The following NDST1 variants were observed in gnomAD, a reference collection of about 807,000 sequenced individuals.
NDST1 encodes the protein bifunctional heparan sulfate N-deacetylase/N-sulfotransferase 1.
A neutral mutation model predicts 92.8 loss-of-function variants in NDST1; 35 were observed. That is an observed-to-expected ratio of 0.38 (90% confidence interval 0.29 to 0.50). The LOEUF (loss-of-function observed/expected upper bound fraction) is 0.50, where lower values mean the gene tolerates loss of function less well. Ranked by LOEUF, NDST1 falls within the 20% of genes least tolerant of loss-of-function variation. The probability of loss-of-function intolerance (pLI) is 0.94; values close to 1 mark genes in which losing one functional copy is unlikely to be tolerated. For synonymous variants in NDST1, 493 were observed against 500.3 expected (o/e 0.99, Z 0.19); for missense variants, 822 against 1,182.7 (o/e 0.69, Z 4.47).
chr5:150,533,044 T>C lies in NDST1; in HGVS notation c.1096+12T>C. Reference sequence around the variant, plus strand: ...ATTCTTCCACACAGGTAAGTGGGCCTGCCCCTGCCCTCACTAGCAACTTCC... The same window carrying C: ...ATTCTTCCACACAGGTAAGTGGGCCCGCCCCTGCCCTCACTAGCAACTTCC... On this transcript the variant is annotated intron_variant, in intron 4 of 14. Transcript: ENST00000261797. 1 of 1,612,402 alleles carries C rather than the reference T, an allele frequency of 6.2e-7. No homozygotes were observed. The highest frequency in any genetic ancestry group is 8.5e-7 in the Non-Finnish European group (1 of 1,178,394).
intron 1 of NDST1, chr5:150,498,367 T>A (rs1753085247): frequency 6.6e-6 from 1 of 152,248 alleles, no homozygotes; most frequent in South Asian, 2.1e-4. Flanking sequence ...TACAAAGTAA[T>A]CATTTGGTAA....
intron 2 of NDST1, among the ~76,000 whole-genome samples, chr5:150,523,466 G>A (rs762305130): frequency 6.6e-6 from 1 of 152,242 alleles, no homozygotes; most frequent in Non-Finnish European, 1.5e-5. Context: ...CAGGTGGCTA[G>A]CAGCCTGATT....
At chr5:150,519,372 T>G (rs978068774) in intron 1 of NDST1, among the ~76,000 whole-genome samples, 3 of 151,476 alleles carry the variant, frequency 2.0e-5, no homozygotes, top group East Asian at 4.0e-4. Flanking sequence ...CATCTAGACC[T>G]GGGCAACTCT....
intron 5 of NDST1, 130 bp from the exon 6 acceptor site, chr5:150,535,570 C>A (rs995257493): frequency 7.1e-6 from 9 of 1,259,552 alleles, no homozygotes; most frequent in Non-Finnish European, 1.0e-5. Context: ...TCCCATCTTA[C>A]CATGAAGTCT....
Position 150,517,858 on chromosome 5 carries a change from G to A in NDST1, c.-387-3010G>A, listed in dbSNP as rs533971196. Among the ~76,000 whole-genome samples, 37 of 152,334 alleles carry A rather than the reference G, an allele frequency of 2.4e-4. No individual in the cohort carries two copies. In the South Asian group the frequency reaches 3.9e-3, roughly 16 times the overall value. On this transcript the variant is annotated intron_variant, in intron 1 of 14. Coordinates refer to ENST00000261797, the MANE Select transcript of NDST1 (RefSeq NM_001543.5). Reference sequence around the variant, plus strand: ...GAGTGGCTGGTGGCTGCTCTCCTCCGCTTCCATGGGATTGGGTGGCCAACG... The same window carrying A: ...GAGTGGCTGGTGGCTGCTCTCCTCCACTTCCATGGGATTGGGTGGCCAACG...
intron 2 of NDST1, among the ~76,000 whole-genome samples, chr5:150,525,107 C>T (rs1175446753): frequency 1.3e-5 from 2 of 152,194 alleles, no homozygotes; most frequent in African/African-American, 4.8e-5. Flanking sequence ...TGGGGGACCC[C>T]ATTGGAAGAC....
intron 1 of NDST1, 88 bp from the exon 2 acceptor site, chr5:150,520,780 G>T: frequency 2.5e-6 from 1 of 398,322 alleles, no homozygotes; most frequent in Non-Finnish European, 4.4e-6. Context: ...TTGCATTTGG[G>T]CATTCCTAGG....
intron 3 of NDST1, among the ~76,000 whole-genome samples, chr5:150,529,350 C>T (rs911791527): frequency 1.5e-5 from 2 of 130,400 alleles, no homozygotes; most frequent in African/African-American, 2.9e-5. Flanking sequence ...CATGACTGTG[C>T]ATGGCATTCC....
Position 150,521,490 on chromosome 5 carries a change from C to G in NDST1, c.236C>G (p.Ser79Cys). The stretch of plus-strand genomic sequence containing the variant: ...AAGCCTGTGCAGGCAGCCACCCCTT[C>G]CCGCACAGACCCGTTGGTGCTGGTC... The part of the protein sequence containing the change: ...PLKPVQAATP[S>C]RTDPLVLVFV... Residue 79 changes from serine (S) to cysteine (C), a missense_variant, in exon 2 of 15, where the codon TCC (serine) becomes TGC (cysteine). Physicochemically the swap from Ser to Cys is moderately radical, Grantham distance 112. Transcript: ENST00000261797. This position sits in a 1 kb window ranked among gnomAD's most constrained non-coding sequence, Gnocchi z 5.9. 6.2e-7 allele frequency: 1 copy of G among 1,614,030 alleles called. No homozygotes were observed. The highest frequency in any genetic ancestry group is 1.1e-5 in the South Asian group (1 of 91,086).
intron 1 of NDST1, among the ~76,000 whole-genome samples, chr5:150,499,383 C>G (rs895100627): frequency 5.3e-5 from 8 of 152,224 alleles, no homozygotes; most frequent in African/African-American, 1.9e-4. Flanking sequence ...CATGATCTTT[C>G]TGGTCACTGG....
intron 3 of NDST1, among the ~76,000 whole-genome samples, chr5:150,529,431 CTG>C (rs1427905241): frequency 1.4e-5 from 2 of 138,674 alleles, no homozygotes; most frequent in Non-Finnish European, 3.2e-5. Context: ...CTAAACAAAA[CTG>C]TGTAAAAGTA....
intron 1 of NDST1, among the ~76,000 whole-genome samples, chr5:150,511,737 G>A (rs1028176761): frequency 2.6e-5 from 4 of 152,144 alleles, no homozygotes; most frequent in Non-Finnish European, 4.4e-5. Context: ...CTGTGGGGGT[G>A]ATGGGGGATG....
At chr5:150,543,456 G>A (rs1755339016) in intron 10 of NDST1, among the ~76,000 whole-genome samples, 1 of 152,240 alleles carries the variant, frequency 6.6e-6, no homozygotes, top group Non-Finnish European at 1.5e-5. Flanking sequence ...CTTTGTAGAG[G>A]TTCCCAGCAG....
upstream of NDST1, among the ~76,000 whole-genome samples, chr5:150,505,990 T>C (rs1753436586): frequency 6.6e-6 from 1 of 151,260 alleles, no homozygotes; most frequent in Non-Finnish European, 1.5e-5. Context: ...GAGAAAGGAG[T>C]GGTACTTGCC....
intron 10 of NDST1, among the ~76,000 whole-genome samples, chr5:150,544,286 T>C (rs1755383613): frequency 6.6e-6 from 1 of 152,232 alleles, no homozygotes; most frequent in Non-Finnish European, 1.5e-5. Context: ...ATATTTACAC[T>C]AAGTAAGAGG....
rs574244983 is a variant in NDST1 at position 150,531,475 on chromosome 5, A to G, written c.1009-1470A>G. Among the ~76,000 whole-genome samples the G allele has an allele frequency of 6.0e-5, 9 of 149,720 alleles. No individual in the cohort carries two copies. The East Asian group carries it at 1.6e-3, about 26-fold the overall frequency. ...TAAAGTGTTCTGATAGCTGGCTCTT[A>G]CAGGTTTCTTTTTTCTTTTTCTCTC... On this transcript the variant is annotated intron_variant, in intron 3 of 14. Transcript: ENST00000261797.
Position 150,553,317 on chromosome 5 carries a change from C to T in NDST1, c.2634C>T (p.Leu878=), listed in dbSNP as rs550785219. 3.8e-5 allele frequency: 62 copies of T among 1,613,454 alleles called. No individual in the cohort carries two copies. Among genetic ancestry groups the T allele is most frequent in the Non-Finnish European group, 4.8e-5 (57 of 1,179,514 alleles). The part of the protein sequence containing the change: ...QTLPTWLRED[L]QNTR ...TTCCCACTTGGCTACGAGAGGACCT[C>T]CAGAACACCAGGTAGCCGTGGCCAC... is the stretch of plus-strand genomic sequence containing the variant. The change falls in exon 15 of 15, where the codon CTC becomes CTT. Residue 878 remains leucine (L), a synonymous_variant. Coordinates refer to ENST00000261797, the MANE Select transcript of NDST1 (RefSeq NM_001543.5). The surrounding 1 kb of genome is among the most constrained non-coding windows in gnomAD (Gnocchi z 4.2).
At chr5:150,531,045 T>C (rs962613049) in intron 3 of NDST1, among the ~76,000 whole-genome samples, 7 of 152,036 alleles carry the variant, frequency 4.6e-5, no homozygotes, top group African/African-American at 1.7e-4. Context: ...TTAAACATTT[T>C]TGTGAATAAG....
chr5:150,539,663 T>C (rs879003476), intron 7 of NDST1: 3 of 985,326 alleles, frequency 3.0e-6, no homozygotes, highest in Admixed American at 1.2e-4. Context: ...CACACACATA[T>C]ATGAACAACA....
Sources: gnomAD v4.1 joint callset for allele counts (sites outside exome capture counted in the v4.1 genomes callset) on GRCh38, gnomAD v4.1.1 for gene constraint, Gnocchi (gnomAD v3.1) non-coding constraint, MANE v1.5 for transcripts, NCBI Gene and HGNC (gene_info 2026-07-23, HGNC 2026-07-21) for gene names.